Variants in ENOSF1 observed in about 807,000 individuals in gnomAD.
The protein encoded by ENOSF1 is enolase superfamily member 1.
Under a neutral mutation model 68.2 loss-of-function variants are expected in ENOSF1, and 73 were observed. The observed-to-expected ratio is 1.07, with a 90% CI of 0.89 to 1.30. The LOEUF (loss-of-function observed/expected upper bound fraction) is 1.30. ENOSF1 is among the 50% of genes most tolerant of loss of function. The probability of loss-of-function intolerance (pLI) is 0.00; values close to 1 mark genes in which losing one functional copy is unlikely to be tolerated. For synonymous variants in ENOSF1, 223 were observed against 210.4 expected, an observed-to-expected ratio of 1.06 and a Z score of -0.52; for missense variants, 589 against 554.5, an observed-to-expected ratio of 1.06 and a Z score of -0.62.
rs997920853 is a variant in ENOSF1 at position 673,688 on chromosome 18, TATAATG to T, written c.*611_*616del. 11 of 161,866 alleles carry T rather than the reference TATAATG, an allele frequency of 6.8e-5. No homozygotes were observed. Among genetic ancestry groups the T allele is most frequent in the Non-Finnish European group, 1.5e-4 (11 of 74,804 alleles). The allele number at this position is 161,866 out of a possible 1,614,324, so 10.0% of individuals were successfully genotyped here. On this transcript the variant is annotated 3_prime_UTR_variant, in exon 16 of 16. Transcript: ENST00000647584. Reference sequence around the variant, plus strand: ...TTTTAACTGCATCTTATCCTCAAAATATAATGACCATTTAGGATAGAGTTTTTTTTT... The same window carrying T: ...TTTTAACTGCATCTTATCCTCAAAATACCATTTAGGATAGAGTTTTTTTTT...
At chr18:684,545 A>C (rs947674152) in intron 10 of ENOSF1, among the ~76,000 whole-genome samples, 1 of 152,034 alleles carries the variant, frequency 6.6e-6, no homozygotes, top group African/African-American at 2.4e-5. Flanking sequence ...TAATAATAAT[A>C]ACCCCATGAG....
At chr18:706,436 G>A (rs779738379) in intron 2 of ENOSF1, 34 bp downstream of exon 2, 16 of 1,335,952 alleles carry the variant, frequency 1.2e-5, no homozygotes, top group Non-Finnish European at 1.7e-5. Flanking sequence ...TGAAAATTAA[G>A]CATTCTGGAA....
intron 10 of ENOSF1, among the ~76,000 whole-genome samples, chr18:684,242 G>A (rs897080291): frequency 5.3e-5 from 8 of 151,978 alleles, no homozygotes; most frequent in South Asian, 2.1e-4. Context: ...TGATCCGCCC[G>A]CCTCGGCCTC....
chr18:701,226 ATAT>A (rs2078307209), intron 2 of ENOSF1, among the ~76,000 whole-genome samples: 1 of 152,196 alleles, frequency 6.6e-6, no homozygotes, highest in African/African-American at 2.4e-5. Context: ...TACATTGTAC[ATAT>A]TATTATACAT....
intron 3 of ENOSF1, among the ~76,000 whole-genome samples, chr18:696,204 CTTTTTTTTT>C (rs368856668): frequency 0.012 from 1,480 of 118,718 alleles, 13 homozygotes; most frequent in Non-Finnish European, 0.017. Context: ...ACATCTCTCT[CTTTTTTTTT>C]TTTTTTTTTT....
chr18:711,167 C>T (rs113406951), intron 1 of ENOSF1, among the ~76,000 whole-genome samples: 3,886 of 150,696 alleles, frequency 0.026, 169 homozygotes, highest in African/African-American at 0.09. Flanking sequence ...AGAGACCCTG[C>T]CTCAAAATAA....
chr18:706,901 T>G (rs1434100695), intron 1 of ENOSF1: 4 of 151,532 alleles, frequency 2.6e-5, no homozygotes, highest in Non-Finnish European at 5.9e-5. Flanking sequence ...TCACTGCAAC[T>G]GCAGCCTCCC....
intron 9 of ENOSF1, chr18:687,391 A>T (rs535022105): frequency 2.0e-5 from 3 of 152,138 alleles, no homozygotes; most frequent in Non-Finnish European, 1.5e-5. Flanking sequence ...ATCTTGTTCC[A>T]ATGCAGATTC....
Position 697,367 on chromosome 18 carries a change from G to A in ENOSF1, c.194-12C>T. On this transcript the variant is annotated splice_polypyrimidine_tract_variant and intron_variant, in intron 2 of 15. Transcript: ENST00000647584. ...CACAGCACAGACAACTATTTAAAAA[G>A]GATTGAACTCTTGTTTATGCTTCTA... is the stretch of plus-strand genomic sequence containing the variant. The A allele has an allele frequency of 6.4e-7, 1 of 1,572,728 alleles. No individual in the cohort carries two copies. The highest frequency in any genetic ancestry group is 2.2e-5 in the East Asian group (1 of 44,674).
At chr18:669,677 A>G (rs2074948014), downstream of ENOSF1, among the ~76,000 whole-genome samples, 1 of 152,108 alleles carries the variant, frequency 6.6e-6, no homozygotes, top group Non-Finnish European at 1.5e-5. Flanking sequence ...TCTTACACCA[A>G]AAAGGGTTTT....
intron 5 of ENOSF1, 137 bp from the exon 6 acceptor site, chr18:691,413 A>C: frequency 1.5e-6 from 1 of 670,422 alleles, no homozygotes; most frequent in Non-Finnish European, 2.5e-6. Flanking sequence ...TGATGCCATC[A>C]TAGCTCACTG....
At chr18:679,199 CTCTCA>C (rs148580838) in intron 11 of ENOSF1, among the ~76,000 whole-genome samples, 4,601 of 145,044 alleles carry the variant, frequency 0.032, 97 homozygotes, top group South Asian at 0.051. Flanking sequence ...TTCTAGAACC[CTCTCA>C]TATCTTTTTT....
chr18:701,781 G>A (rs1426873511), intron 2 of ENOSF1, among the ~76,000 whole-genome samples: 4 of 150,374 alleles, frequency 2.7e-5, no homozygotes, highest in South Asian at 2.1e-4. Flanking sequence ...ATTAGCTGGC[G>A]TGATAGTGGG....
chr18:675,729 T>C (rs2075431153), intron 14 of ENOSF1, among the ~76,000 whole-genome samples: 1 of 152,212 alleles, frequency 6.6e-6, no homozygotes, highest in Non-Finnish European at 1.5e-5. Flanking sequence ...GTCAGATGAA[T>C]AGATTAAAAT....
At chr18:667,408 ATGGT>A (rs2074868651), downstream of ENOSF1, among the ~76,000 whole-genome samples, 1 of 4,584 alleles carries the variant, frequency 2.2e-4, no homozygotes, top group Non-Finnish European at 4.7e-4. Flanking sequence ...GGTGATGGTG[ATGGT>A]GATGGTGATG....
At chr18:678,208 G>A (rs2075707045) in intron 12 of ENOSF1, 1 of 303,774 alleles carries the variant, frequency 3.3e-6, no homozygotes, top group East Asian at 8.7e-5. Context: ...GTGATGAGCA[G>A]GTGGCACAGA....
downstream of ENOSF1, among the ~76,000 whole-genome samples, chr18:667,179 T>A (rs865918432): frequency 7.1e-4 from 46 of 64,746 alleles, no homozygotes; most frequent in East Asian, 1.6e-3. Flanking sequence ...ATGGTGATGG[T>A]GATGGTGATG....
intron 2 of ENOSF1, among the ~76,000 whole-genome samples, chr18:700,733 A>G (rs975013134): frequency 7.9e-5 from 12 of 151,758 alleles, no homozygotes; most frequent in African/African-American, 2.7e-4. Flanking sequence ...AAAAATACAA[A>G]AATTAGCTGG....
chr18:670,662 C>G lies in ENOSF1; in HGVS notation c.*3643G>C, dbSNP rs1174589850. 1.9e-6 allele frequency: 3 copies of G among 1,608,952 alleles called. No homozygotes were observed. On this transcript the variant is annotated 3_prime_UTR_variant, in exon 16 of 16. Transcript: ENST00000647584. ...AGCTGTGGTCTTTCAAACCACCATC[C>G]CTCCTTATCTTCCTCTGCTGGTTCC...
Sources: allele counts gnomAD v4.1 joint callset (sites outside exome capture counted in the v4.1 genomes callset), GRCh38; gene constraint gnomAD v4.1.1; transcripts MANE v1.5; gene names NCBI Gene and HGNC (gene_info 2026-07-23, HGNC 2026-07-21).